The following KPNA1 variants were observed in gnomAD, a reference collection of about 807,000 sequenced individuals.
The protein encoded by KPNA1 is importin subunit alpha-5.
A neutral mutation model predicts 70.5 loss-of-function variants in KPNA1; 10 were observed. The observed-to-expected ratio is 0.14, with a 90% CI of 0.09 to 0.24. KPNA1 has a LOEUF of 0.24. Ranked by LOEUF, KPNA1 falls within the 10% of genes least tolerant of loss-of-function variation. KPNA1 has a pLI of 1.00. For synonymous variants in KPNA1, 192 were observed against 221.9 expected, an observed-to-expected ratio of 0.87 and a Z score of 1.20; for missense variants, 397 against 637.9, an observed-to-expected ratio of 0.62 and a Z score of 4.07.
chr3:122,442,259 ATC>A, intron 9 of KPNA1, 143 bp from the exon 10 acceptor site: 1 of 627,820 alleles, frequency 1.6e-6, no homozygotes, highest in Non-Finnish European at 2.9e-6. Flanking sequence ...GGGAACGCTT[ATC>A]ATGATGATGG....
At chr3:122,493,828 G>T (rs1211633744) in intron 2 of KPNA1, among the ~76,000 whole-genome samples, 2 of 152,060 alleles carry the variant, frequency 1.3e-5, no homozygotes, top group African/African-American at 2.4e-5. Flanking sequence ...CAGGTGATCT[G>T]CCCACCCCGG....
At chr3:122,458,102 G>A (rs2076284126) in intron 5 of KPNA1, among the ~76,000 whole-genome samples, 1 of 152,136 alleles carries the variant, frequency 6.6e-6, no homozygotes, top group Non-Finnish European at 1.5e-5. Flanking sequence ...AGGATTATCT[G>A]TCTAATATTT....
chr3:122,498,607 T>C (rs1467799337), intron 1 of KPNA1, among the ~76,000 whole-genome samples: 1 of 152,236 alleles, frequency 6.6e-6, no homozygotes, highest in Admixed American at 6.5e-5. Flanking sequence ...TCCACTGATC[T>C]ATATGTGTAT....
At chr3:122,480,895 G>A (rs2076563775) in intron 2 of KPNA1, among the ~76,000 whole-genome samples, 3 of 151,900 alleles carry the variant, frequency 2.0e-5, no homozygotes, top group Admixed American at 6.6e-5. Flanking sequence ...AGGATGAGGT[G>A]GAAGGATCAC....
chr3:122,488,593 T>A (rs183835028), intron 2 of KPNA1, among the ~76,000 whole-genome samples: 1 of 152,242 alleles, frequency 6.6e-6, no homozygotes, highest in South Asian at 2.1e-4. Flanking sequence ...AATAATTTGA[T>A]AGCTGGGATT....
chr3:122,423,730 C>T lies in KPNA1; in HGVS notation c.*3255G>A, dbSNP rs746253282. On this transcript the variant is annotated 3_prime_UTR_variant, in exon 14 of 14. Transcript: ENST00000344337. ...AAGTTTGGTTTATAAAATATACTTA[C>T]ATATTGTTTCTTAGGCAAAAATCGG... 3.5e-4 allele frequency: 53 copies of T among 152,724 alleles called. No homozygotes were observed. Among genetic ancestry groups the T allele is most frequent in the Non-Finnish European group, 3.7e-4 (25 of 68,026 alleles). The allele number at this position is 152,724 out of a possible 1,614,324, so 9.5% of individuals were successfully genotyped here.
intron 12 of KPNA1, among the ~76,000 whole-genome samples, chr3:122,429,233 C>T (rs747962042): frequency 8.6e-5 from 13 of 151,972 alleles, no homozygotes; most frequent in Non-Finnish European, 1.9e-4. Context: ...GGTGGATCAC[C>T]TGAGGTCAGG....
At chr3:122,504,443 G>A (rs1401221176) in intron 1 of KPNA1, among the ~76,000 whole-genome samples, 3 of 152,104 alleles carry the variant, frequency 2.0e-5, no homozygotes, top group African/African-American at 7.2e-5. Context: ...CTGGAGATTG[G>A]GTTCAACACA....
chr3:122,501,348 A>G (rs1388484968), intron 1 of KPNA1, among the ~76,000 whole-genome samples: 1 of 152,092 alleles, frequency 6.6e-6, no homozygotes, highest in Non-Finnish European at 1.5e-5. Flanking sequence ...TAACAAAGGC[A>G]TTCACAACTA....
chr3:122,495,393 A>G (rs1279751177), intron 2 of KPNA1, among the ~76,000 whole-genome samples: 5 of 152,166 alleles, frequency 3.3e-5, no homozygotes. Flanking sequence ...CAAAGATGAT[A>G]AAGCAGGTCA....
chr3:122,462,026 C>T (rs1294680451), intron 4 of KPNA1, among the ~76,000 whole-genome samples: 2 of 152,112 alleles, frequency 1.3e-5, no homozygotes, highest in Non-Finnish European at 2.9e-5. Context: ...GATGGCCTTA[C>T]TGAAAGAGGT....
intron 2 of KPNA1, among the ~76,000 whole-genome samples, chr3:122,494,666 A>G (rs573801225): frequency 6.6e-6 from 1 of 152,306 alleles, no homozygotes; most frequent in South Asian, 2.1e-4. Flanking sequence ...TATTCTGTGA[A>G]GAATGACACT....
chr3:122,445,271 T>C lies in KPNA1; in HGVS notation c.918-3155A>G, dbSNP rs188445633. On this transcript the variant is annotated intron_variant, in intron 9 of 13. Coordinates refer to ENST00000344337, the MANE Select transcript of KPNA1 (RefSeq NM_002264.4). ...TTCGTGACGTATGCACAAGCTTCAA[T>C]AGCCGATTCAATCAAGTGGAAGAAA... 9.2e-3 allele frequency among the ~76,000 whole-genome samples: 1,403 copies of C among 152,268 alleles called. 21 individuals are homozygous for C. The highest frequency in any genetic ancestry group is 0.03 in the African/African-American group (1,264 of 41,548).
chr3:122,459,365 T>C (rs1177859922), intron 5 of KPNA1: 3 of 948,350 alleles, frequency 3.2e-6, no homozygotes, highest in Non-Finnish European at 3.8e-6. Context: ...AAATTCAGTA[T>C]CTCTCATCTA....
chr3:122,494,753 C>T (rs978707639), intron 2 of KPNA1, among the ~76,000 whole-genome samples: 5 of 152,108 alleles, frequency 3.3e-5, no homozygotes, highest in Admixed American at 6.5e-5. Context: ...AGTTTAATTA[C>T]ATGAAATCAG....
rs57991855 is a variant in KPNA1 at position 122,429,446 on chromosome 3, CAAAAAAA to C, written c.1251-1737_1251-1731del. 1.5e-3 allele frequency among the ~76,000 whole-genome samples: 87 copies of C among 58,782 alleles called. No homozygotes were observed. In the South Asian group the frequency reaches 0.022, roughly 15 times the overall value. 38.6% of individuals were successfully genotyped at this position (58,782 alleles called of 152,430 possible). A position where few individuals can be genotyped will look rare whatever the true frequency, so the allele number is the denominator to read the frequency against. On this transcript the variant is annotated intron_variant, in intron 12 of 13. Coordinates refer to ENST00000344337, the MANE Select transcript of KPNA1 (RefSeq NM_002264.4). ...TGGGCGAAAGAGCGAAACTCTGTCT[CAAAAAAA>C]AAAAAAAAAAAAAAAAGAATCTCAT...
chr3:122,497,148 T>C (rs2076772518), intron 1 of KPNA1, among the ~76,000 whole-genome samples: 1 of 152,252 alleles, frequency 6.6e-6, no homozygotes. Context: ...ATCATCCCTA[T>C]TCTGGACATT....
rs1245099582 is a variant in KPNA1, at chr3:122,442,067, T to C, written c.967A>G (p.Ile323Val). 3 of 1,613,986 alleles carry C rather than the reference T, an allele frequency of 1.9e-6. No homozygotes were observed. The highest frequency in any genetic ancestry group is 2.5e-6 in the Non-Finnish European group (3 of 1,179,836). The change falls in exon 10 of 14, where the codon ATT becomes GTT. Residue 323 changes from isoleucine (I) to valine (V), a missense_variant. Transcript: ENST00000344337. ...VSPALRAVGN[I>V]VTGDDIQTQV... ...GTCTGAATATCATCCCCTGTGACAA[T>C]GTTTCCCACAGCTCGCAAAGCAGGA...
intron 2 of KPNA1, among the ~76,000 whole-genome samples, chr3:122,476,511 C>T (rs1036439884): frequency 5.3e-5 from 8 of 151,868 alleles, no homozygotes; most frequent in Non-Finnish European, 1.2e-4. Flanking sequence ...TATTTGCAAA[C>T]CGTACATCAG....
Sources: gnomAD v4.1 joint callset for allele counts (sites outside exome capture counted in the v4.1 genomes callset) on GRCh38, gnomAD v4.1.1 for gene constraint, MANE v1.5 for transcripts, NCBI Gene and HGNC (gene_info 2026-07-23, HGNC 2026-07-21) for gene names.